EYS: variants seen among roughly 807,000 people sequenced by gnomAD.
EYS encodes EGF-like photoreceptor maintenance factor.
Under a neutral mutation model 282.1 loss-of-function variants are expected in EYS, and 250 were observed. The observed-to-expected ratio is 0.89, with a 90% CI of 0.80 to 0.98. The LOEUF is 0.98. EYS is among the 50% of genes least tolerant of loss of function. The probability of loss-of-function intolerance (pLI) is 0.00; values close to 1 mark genes in which losing one functional copy is unlikely to be tolerated. For missense variants in EYS, 4,016 were observed against 3,709.0 expected (o/e 1.08, Z -2.15); for synonymous variants, 1,355 against 1,282.9 (o/e 1.06, Z -1.20).
intron 22 of EYS, among the ~76,000 whole-genome samples, chr6:64,723,727 C>T (rs910458699): frequency 6.6e-6 from 1 of 152,166 alleles, no homozygotes; most frequent in African/African-American, 2.4e-5. Context: ...CGCTGAAAGC[C>T]TGGAGGTGTG....
chr6:65,383,229 A>G (rs1355954943), intron 8 of EYS, among the ~76,000 whole-genome samples: 1 of 151,878 alleles, frequency 6.6e-6, no homozygotes, highest in Non-Finnish European at 1.5e-5. Context: ...GGCATATTCC[A>G]TTTCCCTCTA....
At chr6:65,086,326 A>G (rs1422707397) in intron 12 of EYS, among the ~76,000 whole-genome samples, 3 of 151,298 alleles carry the variant, frequency 2.0e-5, no homozygotes, top group Non-Finnish European at 4.4e-5. Context: ...AAAAAAACTA[A>G]ATAAAAAAAA....
chr6:65,065,684 G>A (rs1195087918), intron 12 of EYS, among the ~76,000 whole-genome samples: 1 of 152,038 alleles, frequency 6.6e-6, no homozygotes, highest in Non-Finnish European at 1.5e-5. Context: ...CACCTGGCCA[G>A]AAAGCAACAT....
intron 11 of EYS, among the ~76,000 whole-genome samples, chr6:65,319,353 C>T (rs1769407831): frequency 6.6e-6 from 1 of 151,302 alleles, no homozygotes; most frequent in South Asian, 2.1e-4. Context: ...ACACTCCAGC[C>T]TGGGCAACAG....
At chr6:64,449,098 A>C (rs1165057955) in intron 26 of EYS, among the ~76,000 whole-genome samples, 2 of 152,152 alleles carry the variant, frequency 1.3e-5, no homozygotes, top group Non-Finnish European at 2.9e-5. Flanking sequence ...AAAGAAGATA[A>C]AAACTTTAAA....
chr6:64,801,498 C>T (rs1220741378), intron 22 of EYS, among the ~76,000 whole-genome samples: 1 of 151,538 alleles, frequency 6.6e-6, no homozygotes, highest in Non-Finnish European at 1.5e-5. Context: ...TTTGTATCCA[C>T]TTTTTAAAAG....
At chr6:64,593,690 G>T (rs543979131) in intron 24 of EYS, among the ~76,000 whole-genome samples, 1 of 152,114 alleles carries the variant, frequency 6.6e-6, no homozygotes, top group Admixed American at 6.6e-5. Flanking sequence ...GTCAAATTTA[G>T]TTGGAAGCTA....
At chr6:63,837,654 A>G (rs530902791) in intron 36 of EYS, among the ~76,000 whole-genome samples, 1 of 152,318 alleles carries the variant, frequency 6.6e-6, no homozygotes, top group African/African-American at 2.4e-5. Flanking sequence ...TACATTCTAA[A>G]GAATTAACCA....
chr6:63,789,960 A>G (rs1770465174), intron 37 of EYS, among the ~76,000 whole-genome samples: 1 of 152,190 alleles, frequency 6.6e-6, no homozygotes, highest in African/African-American at 2.4e-5. Flanking sequence ...CCATCAGTAT[A>G]TAGCAAGAGA....
chr6:65,495,709 C>A (rs1309727790), intron 3 of EYS, 102 bp from the exon 4 acceptor site: 1 of 421,970 alleles, frequency 2.4e-6, no homozygotes, highest in Non-Finnish European at 4.3e-6. Flanking sequence ...GCCTACACTG[C>A]AAAGATAGTG....
At chr6:65,018,391 T>C (rs1055018252) in intron 13 of EYS, among the ~76,000 whole-genome samples, 2 of 152,212 alleles carry the variant, frequency 1.3e-5, no homozygotes, top group African/African-American at 2.4e-5. Context: ...CCCTGATCTC[T>C]ACCTTTATCT....
intron 22 of EYS, among the ~76,000 whole-genome samples, chr6:64,676,289 ATATATC>A (rs1468948360): frequency 1.4e-5 from 2 of 146,948 alleles, no homozygotes; most frequent in East Asian, 4.1e-4. Flanking sequence ...AAAGTTTCCA[ATATATC>A]TATATCTATA....
intron 28 of EYS, among the ~76,000 whole-genome samples, chr6:64,389,095 C>A (rs1181852523): frequency 1.3e-5 from 2 of 152,092 alleles, no homozygotes; most frequent in Non-Finnish European, 2.9e-5. Flanking sequence ...ATAAACAGAT[C>A]TTTCTCAATT....
intron 31 of EYS, among the ~76,000 whole-genome samples, chr6:64,131,241 T>C (rs369385071): frequency 3.3e-5 from 5 of 152,206 alleles, no homozygotes; most frequent in Non-Finnish European, 7.3e-5. Flanking sequence ...ATGATTTATG[T>C]TGTTTAGAGA....
intron 1 of EYS, among the ~76,000 whole-genome samples, chr6:65,675,442 T>C (rs566820554): frequency 6.6e-6 from 1 of 151,918 alleles, no homozygotes; most frequent in East Asian, 1.9e-4. Context: ...TATGTGTAAG[T>C]GGTTAGCAAA....
chr6:65,044,234 T>C (rs1259634745), intron 13 of EYS, among the ~76,000 whole-genome samples: 1 of 151,792 alleles, frequency 6.6e-6, no homozygotes, highest in Non-Finnish European at 1.5e-5. Flanking sequence ...TTCAACCAGG[T>C]TGTGTGTTTT....
intron 26 of EYS, among the ~76,000 whole-genome samples, chr6:64,523,382 C>A (rs534756899): frequency 6.6e-6 from 1 of 151,818 alleles, no homozygotes; most frequent in South Asian, 2.1e-4. Context: ...GAAATGAATA[C>A]TTAGATTCAA....
intron 24 of EYS, among the ~76,000 whole-genome samples, chr6:64,596,686 C>T (rs1766597747): frequency 6.6e-6 from 1 of 152,138 alleles, no homozygotes; most frequent in Non-Finnish European, 1.5e-5. Context: ...ACTCGTATCT[C>T]TCACCATATA....
rs923738719 is a variant in EYS at position 65,153,562 on chromosome 6, T to C, written c.2024-95835A>G. On this transcript the variant is annotated intron_variant, in intron 12 of 42. Coordinates refer to ENST00000503581, the MANE Select transcript of EYS (RefSeq NM_001142800.2). The stretch of plus-strand genomic sequence containing the variant: ...ACACGAAGGCTAATTTTCTTCTCTA[T>C]TCTAGAGAAAATTTTCTTATAAACG... 2.7e-4 allele frequency among the ~76,000 whole-genome samples: 41 copies of C among 151,834 alleles called. 1 individual carries two copies. Among genetic ancestry groups the C allele is most frequent in the Admixed American group, 2.4e-3 (37 of 15,176 alleles).
Sources: gnomAD v4.1 joint callset for allele counts (sites outside exome capture counted in the v4.1 genomes callset) on GRCh38, gnomAD v4.1.1 for gene constraint, MANE v1.5 for transcripts, NCBI Gene and HGNC (gene_info 2026-07-23, HGNC 2026-07-21) for gene names.